Variants in PRELID2 observed in about 807,000 individuals in gnomAD.
PRELID2 encodes PRELI domain-containing protein 2.
Under a neutral mutation model 28.4 loss-of-function variants are expected in PRELID2, and 25 were observed. The observed-to-expected ratio is 0.88, with a 90% CI of 0.64 to 1.23. The LOEUF (loss-of-function observed/expected upper bound fraction) is 1.23, where lower values mean the gene tolerates loss of function less well. Ranked by LOEUF, PRELID2 falls within the 50% of genes most tolerant of loss-of-function variation. PRELID2 has a pLI of 0.00. For synonymous variants in PRELID2, 76 were observed against 71.6 expected (o/e 1.06, Z -0.31); for missense variants, 201 against 214.4 (o/e 0.94, Z 0.39).
chr5:145,256,613 G>A, the PRELID2 span, among the ~76,000 whole-genome samples: 2 of 151,926 alleles, frequency 1.3e-5, no homozygotes, highest in Admixed American at 6.6e-5. Flanking sequence ...TACCACTGAT[G>A]TGTGTTCATA....
the PRELID2 span, among the ~76,000 whole-genome samples, chr5:145,387,188 T>C: frequency 8.2e-3 from 1,256 of 152,302 alleles, 20 homozygotes; most frequent in African/African-American, 0.028. Flanking sequence ...TGAACAAATA[T>C]AACCTGAATA....
Position 145,756,802 on chromosome 5 carries a change from C to T in PRELID2, c.*3734G>A, listed in dbSNP as rs1757270497. On this transcript the variant is annotated 3_prime_UTR_variant, in exon 7 of 7. Transcript: ENST00000683046. ...TATGCAGTTACACAATTTCCCAACC[C>T]CAGGGCAAATTAGAGAAAGCTTCCT... Among the ~76,000 whole-genome samples the T allele has an allele frequency of 1.3e-5, 2 of 152,060 alleles. No homozygotes were observed. Among genetic ancestry groups the T allele is most frequent in the South Asian group, 4.1e-4 (2 of 4,822 alleles).
At chr5:145,290,807 T>C in the PRELID2 span, among the ~76,000 whole-genome samples, 3 of 149,018 alleles carry the variant, frequency 2.0e-5, no homozygotes, top group Admixed American at 6.6e-5. Flanking sequence ...TAATCAGATA[T>C]GTGTTTTGTA....
At chr5:145,740,592 AAT>A (rs1420770385) in intron 1 of PRELID2, among the ~76,000 whole-genome samples, 5 of 3,052 alleles carry the variant, frequency 1.6e-3, no homozygotes, top group African/African-American at 2.7e-3. Context: ...TATATATATA[AAT>A]ATATATATAT....
rs141593202 is a variant in PRELID2 at position 145,575,968 on chromosome 5, G to A, written n.71-102653C>T. Among the ~76,000 whole-genome samples, 5 of 152,118 alleles carry A rather than the reference G, an allele frequency of 3.3e-5. No homozygotes were observed. In the East Asian group the frequency reaches 5.8e-4, roughly 18 times the overall value. On this transcript the variant is annotated intron_variant and non_coding_transcript_variant, in intron 1 of 2. Coordinates refer to the PRELID2 transcript ENST00000510259. ...CACTCTTCTCCATCCTCCCAACCAC[G>A]TTTTACCTAAATTATTCCTGCCCAT...
chr5:145,693,512 T>A (rs1290778094), intron 1 of PRELID2, among the ~76,000 whole-genome samples: 1 of 151,304 alleles, frequency 6.6e-6, no homozygotes, highest in African/African-American at 2.4e-5. Context: ...CTCATACCTA[T>A]AATCCCAACA....
chr5:145,344,176 A>G, the PRELID2 span, among the ~76,000 whole-genome samples: 1 of 152,074 alleles, frequency 6.6e-6, no homozygotes, highest in Non-Finnish European at 1.5e-5. Context: ...CATAACCATT[A>G]TACCAGAATA....
At chr5:145,650,397 A>G (rs1754269948) in intron 1 of PRELID2, among the ~76,000 whole-genome samples, 2 of 151,584 alleles carry the variant, frequency 1.3e-5, no homozygotes, top group Admixed American at 6.6e-5. Context: ...CTTCATCCAG[A>G]ATTTTTAAAT....
the PRELID2 span, among the ~76,000 whole-genome samples, chr5:145,399,927 C>T: frequency 5.9e-5 from 9 of 152,174 alleles, no homozygotes; most frequent in Non-Finnish European, 1.2e-4. Flanking sequence ...ACAGGAAAGA[C>T]CTGCTCCCAT....
the PRELID2 span, among the ~76,000 whole-genome samples, chr5:145,427,273 A>C: frequency 1.3e-5 from 2 of 152,332 alleles, no homozygotes; most frequent in East Asian, 3.9e-4. Flanking sequence ...AAGAACACTA[A>C]GAGTATTTCA....
the PRELID2 span, among the ~76,000 whole-genome samples, chr5:145,387,419 C>A: frequency 6.6e-6 from 1 of 152,072 alleles, no homozygotes; most frequent in Non-Finnish European, 1.5e-5. Context: ...TGGGCAATGT[C>A]ATTACATTAG....
the PRELID2 span, among the ~76,000 whole-genome samples, chr5:145,437,713 C>T: frequency 6.6e-6 from 1 of 152,056 alleles, no homozygotes; most frequent in Non-Finnish European, 1.5e-5. Context: ...GAGTTTTGCA[C>T]GGAGGCCCTT....
intron 5 of PRELID2, among the ~76,000 whole-genome samples, chr5:145,780,467 G>C (rs1454895544): frequency 6.6e-6 from 1 of 152,152 alleles, no homozygotes; most frequent in Non-Finnish European, 1.5e-5. Flanking sequence ...GCTCAGCCAA[G>C]GTCATACAGC....
chr5:145,340,116 A>T, the PRELID2 span, among the ~76,000 whole-genome samples: 4 of 152,192 alleles, frequency 2.6e-5, no homozygotes, highest in East Asian at 7.7e-4. Flanking sequence ...GGGCCTGAGG[A>T]CAAGTTTATC....
chr5:145,740,412 T>C (rs1158040923), intron 1 of PRELID2, among the ~76,000 whole-genome samples: 4 of 138,964 alleles, frequency 2.9e-5, no homozygotes, highest in Non-Finnish European at 6.2e-5. Flanking sequence ...GAAATCATTA[T>C]AGGTGGTGAC....
At position 145,725,369 on chromosome 5, in the gene PRELID2, C is replaced by T. The variant is rs1756116802; in HGVS notation, n.70+39562G>A. Among the ~76,000 whole-genome samples the T allele has an allele frequency of 3.9e-5, 6 of 152,188 alleles. No homozygotes were observed. In the South Asian group the frequency reaches 1.0e-3, roughly 26 times the overall value. ...GTTGGTAGAAATGTAGGGATGTAAA[C>T]CTTTAAGCATTGCTAACAGGTATAC... On this transcript the variant is annotated intron_variant and non_coding_transcript_variant, in intron 1 of 2. Transcript: ENST00000510259.
intron 1 of PRELID2, among the ~76,000 whole-genome samples, chr5:145,745,104 G>A (rs1255132416): frequency 6.6e-6 from 1 of 151,800 alleles, no homozygotes; most frequent in Non-Finnish European, 1.5e-5. Flanking sequence ...GCAGAAGAAA[G>A]GATATCAGAG....
At chr5:145,511,177 G>C (rs1389872814) in intron 1 of PRELID2, among the ~76,000 whole-genome samples, 1 of 152,150 alleles carries the variant, frequency 6.6e-6, no homozygotes, top group Non-Finnish European at 1.5e-5. Context: ...GTCTTCATAG[G>C]AACACAGGAA....
chr5:145,493,723 T>C (rs929700484), intron 1 of PRELID2, among the ~76,000 whole-genome samples: 1 of 152,176 alleles, frequency 6.6e-6, no homozygotes, highest in African/African-American at 2.4e-5. Context: ...TTCCTCTCTT[T>C]TCCTTTTCCT....
Sources: gnomAD v4.1 joint callset for allele counts (sites outside exome capture counted in the v4.1 genomes callset) on GRCh38, gnomAD v4.1.1 for gene constraint, MANE v1.5 for transcripts, NCBI Gene and HGNC (gene_info 2026-07-23, HGNC 2026-07-21) for gene names.